Variants in INSC observed in about 807,000 individuals in gnomAD.
INSC encodes protein inscuteable homolog.
In INSC, 67 loss-of-function variants were observed where a neutral mutation model predicts 58.6. The ratio of observed to expected loss-of-function variants is 1.14; its 90% CI spans 0.94 to 1.40. The LOEUF (loss-of-function observed/expected upper bound fraction) is 1.40. INSC is among the 40% of genes most tolerant of loss of function. The probability of loss-of-function intolerance (pLI) is 0.00; values close to 1 mark genes in which losing one functional copy is unlikely to be tolerated. For synonymous variants in INSC, 262 were observed against 276.1 expected, an observed-to-expected ratio of 0.95 and a Z score of 0.51; for missense variants, 714 against 692.0, an observed-to-expected ratio of 1.03 and a Z score of -0.36.
chr11:15,173,873 A>C (rs1415151512), intron 2 of INSC, among the ~76,000 whole-genome samples: 1 of 152,206 alleles, frequency 6.6e-6, no homozygotes, highest in African/African-American at 2.4e-5. Flanking sequence ...GCTCCTTCTC[A>C]TTAAATAACT....
intron 5 of INSC, among the ~76,000 whole-genome samples, chr11:15,187,921 C>G (rs746470342): frequency 9.9e-5 from 15 of 152,022 alleles, no homozygotes; most frequent in Non-Finnish European, 1.8e-4. Flanking sequence ...GAGGCCGATA[C>G]TAAGGTAGGA....
At chr11:15,205,244 TACTC>T (rs1850750970) in intron 7 of INSC, among the ~76,000 whole-genome samples, 1 of 152,190 alleles carries the variant, frequency 6.6e-6, no homozygotes, top group East Asian at 1.9e-4. Context: ...TAAGTAAACT[TACTC>T]ACTCATTTGT....
intron 1 of INSC, among the ~76,000 whole-genome samples, chr11:15,146,545 G>C (rs756565529): frequency 1.3e-5 from 2 of 152,268 alleles, no homozygotes; most frequent in African/African-American, 2.4e-5. Context: ...GGAAGCTATG[G>C]GTCAAAAAGA....
intron 1 of INSC, among the ~76,000 whole-genome samples, chr11:15,142,124 G>T (rs1013259541): frequency 6.6e-6 from 1 of 152,156 alleles, no homozygotes; most frequent in Admixed American, 6.5e-5. Context: ...TCCTCGCTAT[G>T]GCTCACACTG....
Position 15,200,965 on chromosome 11 carries a change from T to C in INSC, c.819+16T>C, listed in dbSNP as rs765520743. ...GCTGGAGAAGGTAAGGACAGCTGGC[T>C]GGGTGGTGCCTGAGGTCCTCAAGCC... On this transcript the variant is annotated intron_variant, in intron 7 of 12. Transcript: ENST00000379556. 1.9e-6 allele frequency: 3 copies of C among 1,585,304 alleles called. No homozygotes were observed. The highest frequency in any genetic ancestry group is 2.3e-5 in the South Asian group (2 of 87,792).
intron 8 of INSC, among the ~76,000 whole-genome samples, chr11:15,222,537 A>G (rs1035025157): frequency 6.6e-6 from 1 of 152,128 alleles, no homozygotes; most frequent in Non-Finnish European, 1.5e-5. Flanking sequence ...TCACTCATCC[A>G]TTCAAGTGGT....
chr11:15,224,476 A>C (rs576428323), intron 8 of INSC, among the ~76,000 whole-genome samples: 19 of 152,304 alleles, frequency 1.2e-4, no homozygotes, highest in Admixed American at 2.6e-4. Flanking sequence ...AGAACTAGGG[A>C]CCAGGATAGA....
chr11:15,140,055 G>C (rs1848331942), intron 1 of INSC, among the ~76,000 whole-genome samples: 1 of 152,176 alleles, frequency 6.6e-6, no homozygotes, highest in South Asian at 2.1e-4. Flanking sequence ...GATTCCAGGA[G>C]CCTGAGCTTT....
At chr11:15,247,732 GGT>G (rs1491139768), downstream of INSC, among the ~76,000 whole-genome samples, 13 of 59,370 alleles carry the variant, frequency 2.2e-4, no homozygotes, top group Admixed American at 1.1e-3. Flanking sequence ...TTAGAAATAA[GGT>G]ATATATATAT....
chr11:15,254,713 C>A, the INSC span, among the ~76,000 whole-genome samples: 1 of 152,158 alleles, frequency 6.6e-6, no homozygotes, highest in African/African-American at 2.4e-5. Context: ...CACATCCCAC[C>A]TTTGCATCTA....
chr11:15,218,638 A>G (rs1180256607), intron 7 of INSC, among the ~76,000 whole-genome samples: 1 of 152,172 alleles, frequency 6.6e-6, no homozygotes, highest in Non-Finnish European at 1.5e-5. Context: ...GATCTGAAGC[A>G]TATAAAACAA....
chr11:15,187,596 TGACA>T (rs1375981988), intron 5 of INSC, among the ~76,000 whole-genome samples: 4 of 152,232 alleles, frequency 2.6e-5, no homozygotes, highest in Admixed American at 6.5e-5. Flanking sequence ...GTTTTCAGAT[TGACA>T]GACAATGAAA....
intron 12 of INSC, among the ~76,000 whole-genome samples, chr11:15,242,946 T>G (rs1158834163): frequency 6.6e-6 from 1 of 152,204 alleles, no homozygotes; most frequent in Admixed American, 6.6e-5. Flanking sequence ...CAAGCCATGC[T>G]CTTTCTCTCC....
chr11:15,204,703 C>T (rs1850728180), intron 7 of INSC, among the ~76,000 whole-genome samples: 2 of 152,242 alleles, frequency 1.3e-5, no homozygotes, highest in Admixed American at 1.3e-4. Flanking sequence ...TTGCCAGCCA[C>T]CCACTCACCG....
chr11:15,194,409 A>G (rs1850296204), intron 6 of INSC, among the ~76,000 whole-genome samples: 1 of 152,130 alleles, frequency 6.6e-6, no homozygotes, highest in South Asian at 2.1e-4. Flanking sequence ...GCCCTACCCA[A>G]GATTCCATGG....
chr11:15,150,682 G>A (rs1848621893), intron 2 of INSC, among the ~76,000 whole-genome samples: 1 of 152,166 alleles, frequency 6.6e-6, no homozygotes, highest in Non-Finnish European at 1.5e-5. Flanking sequence ...CCAGGGGTTG[G>A]GATCCCTTGC....
At chr11:15,185,791 GATTTT>G (rs1849943217) in intron 5 of INSC, among the ~76,000 whole-genome samples, 1 of 152,108 alleles carries the variant, frequency 6.6e-6, no homozygotes, top group South Asian at 2.1e-4. Flanking sequence ...GTGATGTAAT[GATTTT>G]ATTTTATGTC....
intron 6 of INSC, among the ~76,000 whole-genome samples, chr11:15,200,377 G>A (rs1473253438): frequency 3.3e-5 from 5 of 152,156 alleles, no homozygotes; most frequent in Non-Finnish European, 7.3e-5. Flanking sequence ...ACTGTTGGCA[G>A]AGGGAGAACC....
chr11:15,181,646 G>T (rs1849783827), intron 5 of INSC, among the ~76,000 whole-genome samples: 1 of 152,004 alleles, frequency 6.6e-6, no homozygotes, highest in Non-Finnish European at 1.5e-5. Context: ...CTGGGACTTT[G>T]GATTATTCCT....
Sources: gnomAD v4.1 joint callset for allele counts (sites outside exome capture counted in the v4.1 genomes callset) on GRCh38, gnomAD v4.1.1 for gene constraint, MANE v1.5 for transcripts, NCBI Gene and HGNC (gene_info 2026-07-23, HGNC 2026-07-21) for gene names.